CARMIL1: variants seen among roughly 807,000 people sequenced by gnomAD.
CARMIL1 encodes the protein capping protein regulator and myosin 1 linker 1.
In CARMIL1, 90 loss-of-function variants were observed where a neutral mutation model predicts 177.1. That is an observed-to-expected ratio of 0.51 (90% CI 0.43 to 0.61). The LOEUF is 0.61. Ranked by LOEUF, CARMIL1 falls within the 20% of genes least tolerant of loss-of-function variation. The pLI is 0.00. For missense variants in CARMIL1, 1,380 were observed against 1,667.0 expected (o/e 0.83, Z 3.00); for synonymous variants, 577 against 606.2 (o/e 0.95, Z 0.71).
Position 25,580,829 on chromosome 6 carries a change from G to A in CARMIL1, c.2743-95G>A, listed in dbSNP as rs1813053037. 3 of 895,216 alleles carry A rather than the reference G, an allele frequency of 3.4e-6. No homozygotes were observed. In the South Asian group the frequency reaches 4.5e-5, roughly 13 times the overall value. 55.5% of individuals were successfully genotyped at this position (895,216 alleles called of 1,614,324 possible). A position where few individuals can be genotyped will look rare whatever the true frequency, so the allele number is the denominator to read the frequency against. On this transcript the variant is annotated intron_variant, in intron 29 of 36. Transcript: ENST00000329474. Reference sequence around the variant, plus strand: ...CTTCTAAAGCAGAGAAACAACTACTGAGTTAAACAGTCGATCCAGAATGTT... The same window carrying A: ...CTTCTAAAGCAGAGAAACAACTACTAAGTTAAACAGTCGATCCAGAATGTT...
chr6:25,412,360 T>C (rs1289342748), intron 2 of CARMIL1, among the ~76,000 whole-genome samples: 1 of 152,230 alleles, frequency 6.6e-6, no homozygotes, highest in African/African-American at 2.4e-5. Context: ...GCTGGGAGGA[T>C]TGCTTGAGGC....
intron 5 of CARMIL1, among the ~76,000 whole-genome samples, chr6:25,445,050 T>G (rs1006901978): frequency 7.9e-5 from 12 of 152,224 alleles, no homozygotes; most frequent in African/African-American, 2.2e-4. Context: ...TCCCTGACTT[T>G]TTAATGATTG....
chr6:25,457,041 G>A (rs1307180276), intron 8 of CARMIL1, among the ~76,000 whole-genome samples: 1 of 151,552 alleles, frequency 6.6e-6, no homozygotes, highest in African/African-American at 2.4e-5. Context: ...TTTGGAGAGT[G>A]GAATCAGATG....
At chr6:25,555,064 TG>T (rs1810477897) in intron 28 of CARMIL1, among the ~76,000 whole-genome samples, 1 of 152,228 alleles carries the variant, frequency 6.6e-6, no homozygotes, top group Non-Finnish European at 1.5e-5. Context: ...GGCCCACTAA[TG>T]GATGGTTCCC....
chr6:25,291,563 A>C (rs980349621), intron 2 of CARMIL1, among the ~76,000 whole-genome samples: 1 of 152,166 alleles, frequency 6.6e-6, no homozygotes, highest in Non-Finnish European at 1.5e-5. Flanking sequence ...TTTCAGACGG[A>C]TATTCATGCT....
At chr6:25,414,917 C>A (rs1452119203) in intron 2 of CARMIL1, among the ~76,000 whole-genome samples, 1 of 152,114 alleles carries the variant, frequency 6.6e-6, no homozygotes, top group African/African-American at 2.4e-5. Flanking sequence ...TCTTTTCAGA[C>A]AAATTATTTT....
In CARMIL1 at chr6:25,509,935, C is replaced by T. The variant is rs10946783; in HGVS notation, c.1477+198C>T. On this transcript the variant is annotated intron_variant, in intron 18 of 36. Coordinates refer to ENST00000329474, the MANE Select transcript of CARMIL1 (RefSeq NM_017640.6). This position sits in a 1 kb window ranked among gnomAD's most constrained non-coding sequence, Gnocchi z 4.1. ...CTGTGCCAGAGTCTTACTAAGTTGA[C>T]TCTGTGGCCAACTATGCAAAGTCTA... is the stretch of plus-strand genomic sequence containing the variant. Among the ~76,000 whole-genome samples the T allele has an allele frequency of 0.44, 66,430 of 151,874 alleles. 14,922 individuals carry two copies. The highest frequency in any genetic ancestry group is 0.52 in the Middle Eastern group (153 of 294).
At chr6:25,597,277 C>G (rs751926231) in intron 32 of CARMIL1, among the ~76,000 whole-genome samples, 14 of 152,056 alleles carry the variant, frequency 9.2e-5, no homozygotes, top group Non-Finnish European at 2.1e-4. Flanking sequence ...AAGGTACCAC[C>G]TCCCAATACT....
At chr6:25,567,662 G>T (rs1421419676) in intron 29 of CARMIL1, among the ~76,000 whole-genome samples, 1 of 152,174 alleles carries the variant, frequency 6.6e-6, no homozygotes, top group African/African-American at 2.4e-5. Context: ...AGATTTACTT[G>T]GGCTGAAATT....
intron 24 of CARMIL1, among the ~76,000 whole-genome samples, chr6:25,530,764 G>C (rs1427166431): frequency 6.6e-6 from 1 of 152,180 alleles, no homozygotes; most frequent in Non-Finnish European, 1.5e-5. Context: ...TATGATAGCA[G>C]AGATGAAATC....
chr6:25,492,813 C>T (rs532994346), intron 15 of CARMIL1, among the ~76,000 whole-genome samples: 8 of 152,216 alleles, frequency 5.3e-5, no homozygotes, highest in South Asian at 2.1e-4. Flanking sequence ...TTGTAGCATG[C>T]TTTATTCCAT....
At chr6:25,328,683 T>C (rs1448922126) in intron 2 of CARMIL1, among the ~76,000 whole-genome samples, 1 of 152,194 alleles carries the variant, frequency 6.6e-6, no homozygotes, top group Non-Finnish European at 1.5e-5. Context: ...TCATGTAGGC[T>C]TTGGAGCCAC....
At chr6:25,429,629 G>A (rs1438911422) in intron 4 of CARMIL1, among the ~76,000 whole-genome samples, 1 of 152,056 alleles carries the variant, frequency 6.6e-6, no homozygotes, top group Non-Finnish European at 1.5e-5. Flanking sequence ...CCTTTATCTG[G>A]TTTAAGAAGT....
chr6:25,499,016 G>C (rs550835105), intron 16 of CARMIL1, among the ~76,000 whole-genome samples: 61 of 152,290 alleles, frequency 4.0e-4, no homozygotes, highest in Non-Finnish European at 8.1e-4. Context: ...AGTGGGAGGA[G>C]GGGGGTTTTC....
chr6:25,436,545 A>G (rs143649915), intron 5 of CARMIL1, among the ~76,000 whole-genome samples: 268 of 152,318 alleles, frequency 1.8e-3, no homozygotes, highest in African/African-American at 6.3e-3. Flanking sequence ...AGGAAAACCT[A>G]GGCTTCTAGT....
At position 25,509,509 on chromosome 6, in the gene CARMIL1, A is replaced by T. The variant is rs1254335498; in HGVS notation, c.1396-147A>T. ...AGTGATAGGCTCTTTACCCACTGAT[A>T]ATAGCTTCTTTGGAGTTGATAAGCT... On this transcript the variant is annotated intron_variant, in intron 17 of 36. Transcript: ENST00000329474. This position sits in a 1 kb window ranked among gnomAD's most constrained non-coding sequence, Gnocchi z 4.1. The T allele has an allele frequency of 3.2e-6, 2 of 632,566 alleles. No individual in the cohort carries two copies. Among genetic ancestry groups the T allele is most frequent in the African/African-American group, 3.7e-5 (2 of 53,366 alleles). The allele number at this position is 632,566 out of a possible 1,614,324, so 39.2% of individuals were successfully genotyped here. A position where few individuals can be genotyped will look rare whatever the true frequency, so the allele number is the denominator to read the frequency against.
chr6:25,586,360 T>C (rs9379773), intron 31 of CARMIL1, among the ~76,000 whole-genome samples: 65,033 of 136,498 alleles, frequency 0.48, 14,832 homozygotes, highest in East Asian at 0.59. Context: ...CCAGACGGGG[T>C]GGCAGGGCAG....
chr6:25,615,542 T>C lies in CARMIL1; in HGVS notation c.3980-3905T>C, dbSNP rs563528673. Among the ~76,000 whole-genome samples the C allele has an allele frequency of 8.5e-5, 13 of 152,354 alleles. No individual in the cohort carries two copies. The South Asian group carries it at 2.5e-3, about 29-fold the overall frequency. ...GCTTTGAATGCGTTGTAATGGCTCCTGTTTGTACAGGGCATCTAAGATTCC... is the reference window on the plus strand; with the variant it reads ...GCTTTGAATGCGTTGTAATGGCTCCCGTTTGTACAGGGCATCTAAGATTCC... On this transcript the variant is annotated intron_variant, in intron 36 of 36. Transcript: ENST00000329474.
chr6:25,491,742 A>AT lies in CARMIL1; in HGVS notation c.1082dup (p.Leu361PhefsTer61). ...TTATTTTTTTTCAAGCACATGTATA[A>AT]TTTTTTGGCCCAGCCAAATGCCATT... On this transcript the variant is annotated frameshift_variant, in exon 14 of 37. Coordinates refer to ENST00000329474, the MANE Select transcript of CARMIL1 (RefSeq NM_017640.6). LOFTEE classifies it high-confidence loss of function. The AT allele has an allele frequency of 1.9e-6, 3 of 1,591,910 alleles. No individual in the cohort carries two copies. The highest frequency in any genetic ancestry group is 2.6e-6 in the Non-Finnish European group (3 of 1,167,530).
Sources: gnomAD v4.1 joint callset for allele counts (sites outside exome capture counted in the v4.1 genomes callset) on GRCh38, gnomAD v4.1.1 for gene constraint, Gnocchi (gnomAD v3.1) non-coding constraint, MANE v1.5 for transcripts, NCBI Gene and HGNC (gene_info 2026-07-23, HGNC 2026-07-21) for gene names.